NTM: variants seen among roughly 807,000 people sequenced by gnomAD.
NTM encodes neurotrimin, also known as IgLON family member 2.
In NTM, 13 loss-of-function variants were observed where a neutral mutation model predicts 42.1. The observed-to-expected ratio is 0.31, with a 90% CI of 0.20 to 0.49. The LOEUF (loss-of-function observed/expected upper bound fraction) is 0.49. Among genes scored for constraint, NTM ranks in the 20% least tolerant of loss-of-function variants. NTM has a pLI of 0.99. For synonymous variants in NTM, 187 were observed against 179.2 expected, an observed-to-expected ratio of 1.04 and a Z score of -0.35; for missense variants, 373 against 452.8, an observed-to-expected ratio of 0.82 and a Z score of 1.60.
intron 1 of NTM, among the ~76,000 whole-genome samples, chr11:131,699,122 C>T (rs998156301): frequency 1.4e-4 from 21 of 152,152 alleles, no homozygotes; most frequent in African/African-American, 5.1e-4. Context: ...ACAACGTTAA[C>T]TAAAGAAGTA....
At chr11:131,467,055 A>G (rs1380599505) in intron 1 of NTM, among the ~76,000 whole-genome samples, 2 of 152,136 alleles carry the variant, frequency 1.3e-5, no homozygotes, top group Non-Finnish European at 2.9e-5. Flanking sequence ...GCGTACAGGG[A>G]CTCTGAAGAA....
intron 1 of NTM, among the ~76,000 whole-genome samples, chr11:131,890,436 G>A (rs2051145600): frequency 6.6e-6 from 1 of 152,244 alleles, no homozygotes; most frequent in South Asian, 2.1e-4. Context: ...CCTGCTGAGT[G>A]CAGGGGGAGA....
chr11:131,998,562 C>A (rs1453548034), intron 2 of NTM, among the ~76,000 whole-genome samples: 1 of 152,022 alleles, frequency 6.6e-6, no homozygotes, highest in Non-Finnish European at 1.5e-5. Flanking sequence ...TTTAAATTTC[C>A]AAAAACCTGA....
intron 4 of NTM, among the ~76,000 whole-genome samples, chr11:132,256,531 G>A (rs1840910255): frequency 6.6e-6 from 1 of 151,966 alleles, no homozygotes; most frequent in African/African-American, 2.4e-5. Context: ...CTCATTCTCT[G>A]TGCTCTTCCT....
At chr11:132,083,671 T>A (rs1324469883) in intron 2 of NTM, among the ~76,000 whole-genome samples, 1 of 152,252 alleles carries the variant, frequency 6.6e-6, no homozygotes, top group Non-Finnish European at 1.5e-5. Context: ...TTATTGGCTC[T>A]GCAAGTTGAG....
intron 2 of NTM, among the ~76,000 whole-genome samples, chr11:132,097,980 C>T (rs932680763): frequency 6.6e-6 from 1 of 152,136 alleles, no homozygotes; most frequent in Non-Finnish European, 1.5e-5. Flanking sequence ...TCTGCTTTTG[C>T]CCAATTAAGG....
intron 2 of NTM, among the ~76,000 whole-genome samples, chr11:132,066,375 A>G (rs1162938383): frequency 2.0e-5 from 3 of 152,098 alleles, no homozygotes; most frequent in Admixed American, 2.0e-4. Flanking sequence ...ATTCATCTGG[A>G]CCCTTCTATA....
chr11:132,137,224 G>A (rs1215360377), intron 2 of NTM, among the ~76,000 whole-genome samples: 3 of 152,168 alleles, frequency 2.0e-5, no homozygotes, highest in Admixed American at 6.5e-5. Flanking sequence ...CATAGTATGG[G>A]GTGACACACA....
intron 1 of NTM, among the ~76,000 whole-genome samples, chr11:131,695,322 C>T (rs777636588): frequency 6.8e-4 from 104 of 152,142 alleles, no homozygotes; most frequent in Non-Finnish European, 1.3e-3. Flanking sequence ...TAGCAGCTCC[C>T]CCTGAGATGA....
chr11:131,880,231 A>G (rs2049254856), intron 1 of NTM, among the ~76,000 whole-genome samples: 1 of 152,140 alleles, frequency 6.6e-6, no homozygotes, highest in Non-Finnish European at 1.5e-5. Flanking sequence ...TCCTTTTTTG[A>G]ACCACTGCTG....
At position 131,980,631 on chromosome 11, in the gene NTM, A is replaced by T. The variant is rs763577226; in HGVS notation, c.167+68983A>T. Among the ~76,000 whole-genome samples, 42 of 152,258 alleles carry T rather than the reference A, an allele frequency of 2.8e-4. 1 individual carries two copies. The highest frequency in any genetic ancestry group is 5.1e-4 in the Non-Finnish European group (35 of 68,020). On this transcript the variant is annotated intron_variant, in intron 2 of 8. Coordinates refer to ENST00000683400, the MANE Select transcript of NTM (RefSeq NM_001352005.2). ...AAACAAGTGAGAGTCTACCCCACTA[A>T]TTCATATATTCTTTCATTCATAAGC...
At chr11:132,211,170 G>A (rs775336022) in intron 3 of NTM, among the ~76,000 whole-genome samples, 15 of 152,232 alleles carry the variant, frequency 9.9e-5, no homozygotes, top group Non-Finnish European at 1.9e-4. Context: ...TTGATAGGCT[G>A]AGGCTGGTGA....
At chr11:131,901,315 C>T (rs2053128456) in intron 1 of NTM, among the ~76,000 whole-genome samples, 1 of 152,200 alleles carries the variant, frequency 6.6e-6, no homozygotes, top group East Asian at 1.9e-4. Context: ...GTCTCTTCAT[C>T]GACTGCCTAG....
intron 1 of NTM, among the ~76,000 whole-genome samples, chr11:131,451,729 C>T (rs918290613): frequency 6.6e-6 from 1 of 152,084 alleles, no homozygotes; most frequent in African/African-American, 2.4e-5. Context: ...TTGCTGGAGC[C>T]ACGAGAACTA....
At chr11:132,305,764 T>G (rs2095054670) in intron 4 of NTM, among the ~76,000 whole-genome samples, 1 of 152,200 alleles carries the variant, frequency 6.6e-6, no homozygotes, top group Non-Finnish European at 1.5e-5. Flanking sequence ...CCCCTAAAGA[T>G]GCTTATCAAA....
intron 1 of NTM, among the ~76,000 whole-genome samples, chr11:131,425,019 A>C (rs1947981049): frequency 6.7e-6 from 1 of 150,370 alleles, no homozygotes; most frequent in Non-Finnish European, 1.5e-5. Flanking sequence ...AGCTGGGATT[A>C]CAGGCACCTG....
intron 1 of NTM, among the ~76,000 whole-genome samples, chr11:131,469,583 A>G (rs993127978): frequency 2.6e-5 from 4 of 152,096 alleles, no homozygotes; most frequent in African/African-American, 9.7e-5. Context: ...CGCTGCCTAT[A>G]CCTCTCTGGG....
chr11:131,779,300 A>G (rs1430582323), intron 1 of NTM, among the ~76,000 whole-genome samples: 1 of 152,234 alleles, frequency 6.6e-6, no homozygotes, highest in African/African-American at 2.4e-5. Flanking sequence ...ATTATGACCC[A>G]TAACAACTAT....
chr11:132,182,463 GAAT>G (rs2077716518), intron 3 of NTM, among the ~76,000 whole-genome samples: 1 of 152,100 alleles, frequency 6.6e-6, no homozygotes, highest in Non-Finnish European at 1.5e-5. Flanking sequence ...AAAATCAGGG[GAAT>G]AATAATAATA....
Sources: allele counts gnomAD v4.1 joint callset (sites outside exome capture counted in the v4.1 genomes callset), GRCh38; gene constraint gnomAD v4.1.1; transcripts MANE v1.5; gene names NCBI Gene and HGNC (gene_info 2026-07-23, HGNC 2026-07-21).